SLC10A7: variants seen among roughly 807,000 people sequenced by gnomAD.
SLC10A7 encodes solute carrier family 10 member 7.
In SLC10A7, 29 loss-of-function variants were observed where a neutral mutation model predicts 43.2. The observed-to-expected ratio is 0.67, with a 90% CI of 0.50 to 0.92. The LOEUF (loss-of-function observed/expected upper bound fraction) is 0.92, where lower values mean the gene tolerates loss of function less well. SLC10A7 is among the 40% of genes least tolerant of loss of function. The pLI is 0.00. For synonymous variants in SLC10A7, 152 were observed against 144.8 expected (o/e 1.05, Z -0.35); for missense variants, 295 against 403.2 (o/e 0.73, Z 2.30).
At chr4:146,423,962 A>G (rs1319988830) in intron 5 of SLC10A7, among the ~76,000 whole-genome samples, 1 of 152,236 alleles carries the variant, frequency 6.6e-6, no homozygotes, top group East Asian at 1.9e-4. Context: ...AGAAAGACCT[A>G]TCTTACAAAA....
intron 4 of SLC10A7, among the ~76,000 whole-genome samples, chr4:146,497,603 T>A (rs1736009586): frequency 6.6e-6 from 1 of 152,208 alleles, no homozygotes; most frequent in African/African-American, 2.4e-5. Context: ...TTCTTCCTTT[T>A]CTCAGCATGC....
At chr4:146,293,066 T>C (rs2111185858) in intron 8 of SLC10A7, 86 bp from the exon 9 acceptor site, 3 of 807,770 alleles carry the variant, frequency 3.7e-6, no homozygotes, top group Non-Finnish European at 5.8e-6. Flanking sequence ...TTATCTAAAA[T>C]TTATAGGAAC....
At chr4:146,515,669 G>T (rs1250978766) in intron 2 of SLC10A7, among the ~76,000 whole-genome samples, 1 of 152,094 alleles carries the variant, frequency 6.6e-6, no homozygotes, top group Non-Finnish European at 1.5e-5. Flanking sequence ...CAACACTATG[G>T]GAGGCTGAAG....
chr4:146,301,168 T>C (rs547013537), intron 7 of SLC10A7, among the ~76,000 whole-genome samples: 3 of 152,328 alleles, frequency 2.0e-5, no homozygotes, highest in East Asian at 3.9e-4. Context: ...AATTTATGAA[T>C]CAAGTACGAT....
chr4:146,485,222 A>C (rs1296010073), intron 4 of SLC10A7, among the ~76,000 whole-genome samples: 8 of 152,196 alleles, frequency 5.3e-5, no homozygotes, highest in African/African-American at 1.9e-4. Flanking sequence ...TTTGACTGTG[A>C]CTAGAGATTT....
intron 5 of SLC10A7, among the ~76,000 whole-genome samples, chr4:146,366,333 T>C (rs573893808): frequency 2.6e-5 from 4 of 152,172 alleles, no homozygotes; most frequent in Non-Finnish European, 4.4e-5. Context: ...CCTTACATTC[T>C]GTAGCAGGAC....
chr4:146,288,367 C>T (rs1208392787), intron 9 of SLC10A7, among the ~76,000 whole-genome samples: 1 of 152,142 alleles, frequency 6.6e-6, no homozygotes, highest in African/African-American at 2.4e-5. Context: ...AGTATTACTT[C>T]CTTCTCAGAA....
chr4:146,257,347 T>C (rs1417803038), intron 11 of SLC10A7, among the ~76,000 whole-genome samples: 1 of 152,222 alleles, frequency 6.6e-6, no homozygotes, highest in Admixed American at 6.5e-5. Context: ...GTTAAATAAC[T>C]GAATTAGTGA....
chr4:146,436,345 T>G (rs1419893851), intron 5 of SLC10A7, among the ~76,000 whole-genome samples: 1 of 152,126 alleles, frequency 6.6e-6, no homozygotes, highest in South Asian at 2.1e-4. Context: ...CAAACCCACA[T>G]AGAGCTATCA....
intron 5 of SLC10A7, among the ~76,000 whole-genome samples, chr4:146,406,041 T>C (rs939010323): frequency 2.6e-5 from 4 of 152,218 alleles, no homozygotes; most frequent in African/African-American, 9.6e-5. Context: ...AAATAGATTA[T>C]ATCAGATCAT....
rs565953710 is a variant in SLC10A7 at position 146,275,574 on chromosome 4, G to GT, written c.847+7617dup. ...GTGATTGTGGAAGTCATGTGAGCTG[G>GT]TGCCCACAAAGTATTTATGGGAAGT... On this transcript the variant is annotated intron_variant, in intron 10 of 11. Coordinates refer to ENST00000335472, the MANE Select transcript of SLC10A7 (RefSeq NM_001029998.6). 1.8e-3 allele frequency among the ~76,000 whole-genome samples: 280 copies of GT among 152,044 alleles called. 7 individuals carry two copies. The highest frequency in any genetic ancestry group is 0.018 in the Admixed American group (278 of 15,260).
chr4:146,286,652 G>T (rs62327815), intron 9 of SLC10A7, among the ~76,000 whole-genome samples: 1 of 122,708 alleles, frequency 8.1e-6, no homozygotes. Flanking sequence ...GAGAAGGACC[G>T]TGTCTGGAGT....
intron 5 of SLC10A7, among the ~76,000 whole-genome samples, chr4:146,376,823 CT>C (rs2149786496): frequency 6.6e-6 from 1 of 152,322 alleles, no homozygotes; most frequent in Non-Finnish European, 1.5e-5. Context: ...GATGCGTCCA[CT>C]TTACAGCTGT....
Position 146,340,418 on chromosome 4 carries a change from A to G in SLC10A7, c.436-14422T>C, listed in dbSNP as rs193051516. On this transcript the variant is annotated intron_variant, in intron 5 of 11. Transcript: ENST00000335472. ...CCAGGCTCTAGCAAATGCAGGCTCTAGTAAAAAACAAAGACCCAGGCTCTA... is the reference window on the plus strand; with the variant it reads ...CCAGGCTCTAGCAAATGCAGGCTCTGGTAAAAAACAAAGACCCAGGCTCTA... Among the ~76,000 whole-genome samples the G allele has an allele frequency of 3.3e-5, 5 of 151,950 alleles. No homozygotes were observed. The South Asian group carries it at 8.3e-4, about 25-fold the overall frequency.
chr4:146,511,512 C>T (rs1469451450), intron 2 of SLC10A7, among the ~76,000 whole-genome samples: 1 of 152,210 alleles, frequency 6.6e-6, no homozygotes, highest in Admixed American at 6.5e-5. Context: ...GTTTAATCAA[C>T]AGTACGTTAA....
intron 5 of SLC10A7, among the ~76,000 whole-genome samples, chr4:146,358,367 G>T (rs1735806633): frequency 1.3e-5 from 2 of 152,002 alleles, no homozygotes; most frequent in Non-Finnish European, 2.9e-5. Flanking sequence ...CTGAAGTTTT[G>T]GCATTAGACT....
chr4:146,374,621 C>CAT (rs1226682515), intron 5 of SLC10A7, among the ~76,000 whole-genome samples: 14 of 108,280 alleles, frequency 1.3e-4, no homozygotes, highest in African/African-American at 3.7e-4. Flanking sequence ...TATACACATA[C>CAT]ACACACACAC....
intron 2 of SLC10A7, among the ~76,000 whole-genome samples, chr4:146,510,647 T>C (rs903306256): frequency 6.6e-6 from 1 of 152,210 alleles, no homozygotes; most frequent in Non-Finnish European, 1.5e-5. Context: ...GGACCAGGAC[T>C]AAGCTAACTA....
chr4:146,486,531 T>C (rs903399415), intron 4 of SLC10A7, among the ~76,000 whole-genome samples: 3 of 152,320 alleles, frequency 2.0e-5, no homozygotes, highest in African/African-American at 4.8e-5. Context: ...TCTAAACAAA[T>C]AAATTTTTTA....
Sources: gnomAD v4.1 joint callset for allele counts (sites outside exome capture counted in the v4.1 genomes callset) on GRCh38, gnomAD v4.1.1 for gene constraint, MANE v1.5 for transcripts, NCBI Gene and HGNC (gene_info 2026-07-23, HGNC 2026-07-21) for gene names.